Variants in NAPB observed in about 807,000 individuals in gnomAD.
NAPB encodes NSF attachment protein beta.
A neutral mutation model predicts 44.7 loss-of-function variants in NAPB; 26 were observed. The ratio of observed to expected loss-of-function variants is 0.58; its 90% CI spans 0.43 to 0.81. The LOEUF (loss-of-function observed/expected upper bound fraction) is 0.81. NAPB is among the 30% of genes least tolerant of loss of function. The pLI, the probability that NAPB is intolerant of heterozygous loss-of-function variation, is 0.00. For synonymous variants in NAPB, 120 were observed against 116.8 expected (o/e 1.03, Z -0.18); for missense variants, 315 against 356.4 (o/e 0.88, Z 0.94).
chr20:23,413,987 C>G (rs889495404), intron 1 of NAPB, among the ~76,000 whole-genome samples: 2 of 151,814 alleles, frequency 1.3e-5, no homozygotes, highest in Admixed American at 1.3e-4. Flanking sequence ...AAGCTATATA[C>G]AAATGAATTG....
At chr20:23,420,822 A>C (rs951787573) in intron 1 of NAPB, among the ~76,000 whole-genome samples, 25 of 140,434 alleles carry the variant, frequency 1.8e-4, no homozygotes, top group African/African-American at 6.5e-4. Context: ...CCCCCCCCAG[A>C]GTGTTCTAGG....
chr20:23,390,831 G>T (rs1362928630), intron 5 of NAPB, among the ~76,000 whole-genome samples: 2 of 152,120 alleles, frequency 1.3e-5, no homozygotes, highest in African/African-American at 4.8e-5. Flanking sequence ...TACACCTTAC[G>T]TCTATGACTT....
chr20:23,415,146 G>A (rs542390953), intron 1 of NAPB, among the ~76,000 whole-genome samples: 2 of 152,228 alleles, frequency 1.3e-5, no homozygotes, highest in East Asian at 1.9e-4. Context: ...AACAGATACT[G>A]TCTGAAAATC....
intron 5 of NAPB, among the ~76,000 whole-genome samples, chr20:23,392,993 G>A (rs1984085007): frequency 6.6e-6 from 1 of 152,196 alleles, no homozygotes; most frequent in African/African-American, 2.4e-5. Context: ...AGCTGGAACA[G>A]GAGCCTCTGC....
rs538288503 is a variant in NAPB at position 23,404,951 on chromosome 20, G to A, written c.99-1879C>T. Among the ~76,000 whole-genome samples the A allele has an allele frequency of 1.9e-4, 29 of 152,288 alleles. No individual in the cohort carries two copies. In the South Asian group the frequency reaches 2.3e-3, roughly 12 times the overall value. On this transcript the variant is annotated intron_variant, in intron 1 of 10. Transcript: ENST00000377026. ...AATATAAAAGGGTGCAGCCACTTTG[G>A]AAAATGTTACCATATAACCCAGCAA...
intron 5 of NAPB, among the ~76,000 whole-genome samples, chr20:23,394,390 G>A (rs974821675): frequency 2.6e-5 from 4 of 152,192 alleles, no homozygotes; most frequent in Admixed American, 6.5e-5. Flanking sequence ...GTAGTTTAGC[G>A]GGGAACACTG....
chr20:23,391,668 C>A (rs1983967472), intron 5 of NAPB, among the ~76,000 whole-genome samples: 2 of 152,144 alleles, frequency 1.3e-5, no homozygotes, highest in Admixed American at 6.5e-5. Flanking sequence ...AGCAGCCATA[C>A]ACAAGATATA....
intron 2 of NAPB, among the ~76,000 whole-genome samples, chr20:23,402,079 C>T (rs1419011149): frequency 1.3e-5 from 2 of 152,166 alleles, no homozygotes; most frequent in Non-Finnish European, 2.9e-5. Flanking sequence ...TATCTAAAGC[C>T]TTAGCTAAAA....
intron 7 of NAPB, among the ~76,000 whole-genome samples, chr20:23,388,847 G>A (rs906862278): frequency 3.3e-5 from 5 of 151,868 alleles, no homozygotes; most frequent in South Asian, 4.2e-4. Context: ...CAGATTTAGC[G>A]ATGATTTCTT....
intron 5 of NAPB, among the ~76,000 whole-genome samples, chr20:23,391,260 G>C (rs147241587): frequency 5.3e-5 from 8 of 152,132 alleles, no homozygotes; most frequent in African/African-American, 1.7e-4. Context: ...GCAGTGAGCT[G>C]AGATCGCGCC....
intron 7 of NAPB, among the ~76,000 whole-genome samples, chr20:23,384,016 T>C (rs1238666633): frequency 6.6e-6 from 1 of 152,206 alleles, no homozygotes; most frequent in Non-Finnish European, 1.5e-5. Flanking sequence ...ATATATACCA[T>C]TGATTCTCCA....
chr20:23,407,286 T>G (rs1428859217), intron 1 of NAPB, among the ~76,000 whole-genome samples: 1 of 152,244 alleles, frequency 6.6e-6, no homozygotes, highest in African/African-American at 2.4e-5. Flanking sequence ...TGGACAAGTA[T>G]TCAGAATTTG....
chr20:23,410,258 C>T (rs1010065082), intron 1 of NAPB, among the ~76,000 whole-genome samples: 3 of 152,200 alleles, frequency 2.0e-5, no homozygotes, highest in African/African-American at 7.2e-5. Context: ...TGTACCTACA[C>T]AACGCAGCAT....
chr20:23,388,782 TAACAGCCA>T (rs1456130415), intron 7 of NAPB, among the ~76,000 whole-genome samples: 1 of 152,018 alleles, frequency 6.6e-6, no homozygotes, highest in Non-Finnish European at 1.5e-5. Flanking sequence ...GACCTAAACC[TAACAGCCA>T]AAACTATACA....
chr20:23,403,333 T>C (rs1283694992), intron 1 of NAPB, among the ~76,000 whole-genome samples: 1 of 152,158 alleles, frequency 6.6e-6, no homozygotes, highest in Non-Finnish European at 1.5e-5. Context: ...CAGGGCATGA[T>C]GGCTCATGCC....
rs1388459676 is a variant in NAPB, at chr20:23,374,601, T to G, written c.*2775A>C. 1 of 152,184 alleles carries G rather than the reference T, an allele frequency of 6.6e-6. No individual in the cohort carries two copies. The highest frequency in any genetic ancestry group is 6.5e-5 in the Admixed American group (1 of 15,284). The allele number at this position is 152,184 out of a possible 1,614,324, so 9.4% of individuals were successfully genotyped here. ...CCCCTGCCCCAGAGCAACTCAGGAC[T>G]CCATGGAGCAGGAAGCCTGCTCTTG... is the stretch of plus-strand genomic sequence containing the variant. On this transcript the variant is annotated 3_prime_UTR_variant, in exon 11 of 11. Coordinates refer to ENST00000377026, the MANE Select transcript of NAPB (RefSeq NM_022080.3).
At chr20:23,412,802 C>T (rs1985748368) in intron 1 of NAPB, among the ~76,000 whole-genome samples, 1 of 152,206 alleles carries the variant, frequency 6.6e-6, no homozygotes, top group South Asian at 2.1e-4. Context: ...TTGAGACCAG[C>T]CTGGCCAACA....
chr20:23,386,340 GA>G (rs1983520707), intron 7 of NAPB, among the ~76,000 whole-genome samples: 1 of 152,166 alleles, frequency 6.6e-6, no homozygotes, highest in East Asian at 1.9e-4. Flanking sequence ...AACAAAAAAA[GA>G]GAAATAATTG....
Position 23,390,007 on chromosome 20 carries a change from T to C in NAPB, c.500A>G (p.Lys167Arg). Reference sequence around the variant, plus strand: ...AAGCTGGGCAGCATATGCTGCCACCTTCAGCAGACACTTGTTTGCTGAGCT... The same window carrying C: ...AAGCTGGGCAGCATATGCTGCCACCCTCAGCAGACACTTGTTTGCTGAGCT... The part of the protein sequence containing the change: ...SNSSANKCLL[K>R]VAAYAAQLEQ... The change falls in exon 7 of 11, where the codon AAG (lysine) becomes AGG (arginine). Residue 167 changes from lysine to arginine, a missense_variant. Around this residue, in one of 3 missense-constraint regions of NAPB, gnomAD observed 16 missense variants for 43.4 expected, o/e 0.37. Transcript: ENST00000377026. The C allele has an allele frequency of 6.2e-7, 1 of 1,614,164 alleles. No individual in the cohort carries two copies. The highest frequency in any genetic ancestry group is 1.6e-4 in the Middle Eastern group (1 of 6,062).
Sources: allele counts gnomAD v4.1 joint callset (sites outside exome capture counted in the v4.1 genomes callset), GRCh38; gene constraint gnomAD v4.1.1; regional missense constraint gnomAD v4.1.1; transcripts MANE v1.5; gene names NCBI Gene and HGNC (gene_info 2026-07-23, HGNC 2026-07-21).